Variants in CCL28 observed in about 807,000 individuals in gnomAD.
The protein encoded by CCL28 is C-C motif chemokine ligand 28.
In CCL28, 4 loss-of-function variants were observed where a neutral mutation model predicts 7.1. The observed-to-expected ratio is 0.56, with a 90% CI of 0.28 to 1.29. The LOEUF (loss-of-function observed/expected upper bound fraction) is 1.29. CCL28 is among the 50% of genes most tolerant of loss of function. CCL28 has a pLI of 0.11. For missense variants in CCL28, 151 were observed against 163.4 expected (o/e 0.92, Z 0.41); for synonymous variants, 55 against 57.8 (o/e 0.95, Z 0.22).
At chr5:43,385,008 T>G (rs574699011) in intron 2 of CCL28, among the ~76,000 whole-genome samples, 2 of 152,098 alleles carry the variant, frequency 1.3e-5, no homozygotes, top group African/African-American at 2.4e-5. Context: ...GCCATTCTCC[T>G]GCCTCAGCCT....
the CCL28 span, among the ~76,000 whole-genome samples, chr5:43,365,049 G>A: frequency 7.2e-6 from 1 of 139,538 alleles, no homozygotes; most frequent in African/African-American, 2.8e-5. Flanking sequence ...TCTGTCACCA[G>A]GCTGGAGTAC....
chr5:43,362,797 A>T, the CCL28 span, among the ~76,000 whole-genome samples: 1 of 152,166 alleles, frequency 6.6e-6, no homozygotes, highest in Non-Finnish European at 1.5e-5. Context: ...AAGTAACTTG[A>T]GCCCATTTTG....
intron 1 of CCL28, among the ~76,000 whole-genome samples, chr5:43,402,411 G>A (rs996458111): frequency 6.6e-6 from 1 of 152,200 alleles, no homozygotes; most frequent in African/African-American, 2.4e-5. Flanking sequence ...AATGTTTTAT[G>A]TAAGATGAAG....
intron 1 of CCL28, among the ~76,000 whole-genome samples, chr5:43,410,783 G>A (rs1349128884): frequency 6.6e-6 from 1 of 152,186 alleles, no homozygotes; most frequent in Non-Finnish European, 1.5e-5. Flanking sequence ...TAGGAGTGAA[G>A]CCTTAGCAGG....
At chr5:43,403,554 T>A (rs1741133102) in intron 1 of CCL28, among the ~76,000 whole-genome samples, 1 of 151,864 alleles carries the variant, frequency 6.6e-6, no homozygotes, top group Admixed American at 6.6e-5. Flanking sequence ...ACCACAAAAA[T>A]GGAGAAAAAA....
At chr5:43,359,172 G>A in the CCL28 span, among the ~76,000 whole-genome samples, 177 of 152,230 alleles carry the variant, frequency 1.2e-3, no homozygotes, top group African/African-American at 3.7e-3. Flanking sequence ...CTAACCCAGC[G>A]GTGCTAGAAG....
intron 2 of CCL28, among the ~76,000 whole-genome samples, chr5:43,384,340 C>G (rs1208263152): frequency 6.6e-6 from 1 of 152,102 alleles, no homozygotes; most frequent in Non-Finnish European, 1.5e-5. Flanking sequence ...GTGAGGCAAC[C>G]TCTCAATGTA....
At chr5:43,382,761 T>G (rs538191314) in intron 2 of CCL28, among the ~76,000 whole-genome samples, 15 of 152,324 alleles carry the variant, frequency 9.8e-5, no homozygotes, top group African/African-American at 3.6e-4. Flanking sequence ...AACATTTTAA[T>G]ATGATATAGA....
intron 2 of CCL28, among the ~76,000 whole-genome samples, chr5:43,383,477 G>A (rs920366977): frequency 2.6e-5 from 4 of 152,068 alleles, no homozygotes; most frequent in African/African-American, 9.7e-5. Flanking sequence ...TTACAAATGA[G>A]CTTTAACATA....
chr5:43,367,376 G>C, the CCL28 span, among the ~76,000 whole-genome samples: 4 of 152,308 alleles, frequency 2.6e-5, no homozygotes, highest in South Asian at 4.1e-4. Flanking sequence ...GCACCCAAGG[G>C]AATCTCTTGG....
chr5:43,406,675 T>C (rs548019324), intron 1 of CCL28, among the ~76,000 whole-genome samples: 14 of 152,078 alleles, frequency 9.2e-5, no homozygotes, highest in African/African-American at 3.4e-4. Flanking sequence ...AGAAAGGATA[T>C]TCAATTAGGA....
intron 1 of CCL28, among the ~76,000 whole-genome samples, chr5:43,395,928 G>C (rs1740783196): frequency 7.0e-6 from 1 of 143,112 alleles, no homozygotes; most frequent in Non-Finnish European, 1.5e-5. Flanking sequence ...CTGGAGTGCA[G>C]TGGCGAGATC....
chr5:43,406,115 G>A (rs1741266078), intron 1 of CCL28, among the ~76,000 whole-genome samples: 1 of 152,048 alleles, frequency 6.6e-6, no homozygotes, highest in Non-Finnish European at 1.5e-5. Context: ...CCAATCAATA[G>A]AAAAAGAGGG....
intron 2 of CCL28, among the ~76,000 whole-genome samples, chr5:43,383,157 G>C (rs755564821): frequency 4.6e-5 from 7 of 152,094 alleles, no homozygotes; most frequent in Non-Finnish European, 7.4e-5. Context: ...CAGTGGGCTG[G>C]GAGAATGCTA....
chr5:43,407,657 C>T (rs1406775574), intron 1 of CCL28, among the ~76,000 whole-genome samples: 1 of 152,162 alleles, frequency 6.6e-6, no homozygotes, highest in Non-Finnish European at 1.5e-5. Flanking sequence ...TCTAATTAAA[C>T]CAAAGAACTT....
chr5:43,408,839 A>G, intron 1 of CCL28, among the ~76,000 whole-genome samples: 1 of 151,024 alleles, frequency 6.6e-6, no homozygotes, highest in Admixed American at 6.6e-5. Context: ...ATTAGGATAA[A>G]TTCTTTAATT....
intron 1 of CCL28, among the ~76,000 whole-genome samples, chr5:43,398,907 C>G (rs180708193): frequency 9.9e-5 from 15 of 152,266 alleles, no homozygotes; most frequent in Non-Finnish European, 1.8e-4. Flanking sequence ...CCTTTGCCCT[C>G]TCCTCAATAG....
At chr5:43,396,015 A>G (rs888623229) in intron 1 of CCL28, among the ~76,000 whole-genome samples, 2 of 151,330 alleles carry the variant, frequency 1.3e-5, no homozygotes, top group African/African-American at 4.9e-5. Flanking sequence ...GGTACTACAG[A>G]CGCCCGCCAC....
Position 43,381,876 on chromosome 5 carries a change from T to C in CCL28, c.368A>G (p.His123Arg). Residue 123 changes from histidine to arginine, a missense_variant, in exon 3 of 3, where the codon CAT becomes CGT. His to Arg is a conservative substitution (Grantham distance 29). Coordinates refer to ENST00000361115, the MANE Select transcript of CCL28 (RefSeq NM_148672.3). ...AHQGKHETYG[H>R]KTPY ...GTAGACTCTCTAATAAGGAGTTTTA[T>C]GGCCGTATGTTTCGTGTTTCCCCTG... is the stretch of plus-strand genomic sequence containing the variant. The C allele has an allele frequency of 1.2e-6, 2 of 1,613,878 alleles. No individual in the cohort carries two copies. Among genetic ancestry groups the C allele is most frequent in the African/African-American group, 1.3e-5 (1 of 75,050 alleles).
Sources: allele counts gnomAD v4.1 joint callset (sites outside exome capture counted in the v4.1 genomes callset), GRCh38; gene constraint gnomAD v4.1.1; transcripts MANE v1.5; gene names NCBI Gene and HGNC (gene_info 2026-07-23, HGNC 2026-07-21).